CFAP61: variants seen among roughly 807,000 people sequenced by gnomAD.
The protein encoded by CFAP61 is cilia and flagella associated protein 61, also known as cilia- and flagella-associated protein 61.
Under a neutral mutation model 135.6 loss-of-function variants are expected in CFAP61, and 107 were observed. The observed-to-expected ratio is 0.79, with a 90% CI of 0.67 to 0.93. The LOEUF (loss-of-function observed/expected upper bound fraction) is 0.93. CFAP61 is among the 40% of genes least tolerant of loss of function. The pLI is 0.00. For synonymous variants in CFAP61, 575 were observed against 578.5 expected, an observed-to-expected ratio of 0.99 and a Z score of 0.09; for missense variants, 1,507 against 1,556.2, an observed-to-expected ratio of 0.97 and a Z score of 0.53.
At chr20:20,091,214 C>A (rs2047175494) in intron 7 of CFAP61, among the ~76,000 whole-genome samples, 1 of 152,134 alleles carries the variant, frequency 6.6e-6, no homozygotes, top group African/African-American at 2.4e-5. Flanking sequence ...CTTGCCTTGT[C>A]CCTAGAGTGA....
chr20:20,336,337 A>T (rs936399197), intron 25 of CFAP61, among the ~76,000 whole-genome samples: 1 of 152,192 alleles, frequency 6.6e-6, no homozygotes, highest in Non-Finnish European at 1.5e-5. Context: ...TTTAAAGACA[A>T]ATCAATGTAA....
intron 18 of CFAP61, among the ~76,000 whole-genome samples, chr20:20,242,816 TG>T (rs1004562513): frequency 7.9e-5 from 12 of 152,322 alleles, no homozygotes; most frequent in African/African-American, 2.9e-4. Context: ...TTTGAGTAAC[TG>T]TGTGTATCTG....
At chr20:20,147,987 G>A in intron 9 of CFAP61, among the ~76,000 whole-genome samples, 1 of 152,086 alleles carries the variant, frequency 6.6e-6, no homozygotes, top group Non-Finnish European at 1.5e-5. Context: ...AGTTTTCTCA[G>A]CACTATTTGT....
rs2046203295 is a variant in CFAP61 at position 20,078,355 on chromosome 20, T to C, written c.566+2740T>C. ...GTGGTAGGGAAAGGATCAGGTCAGGTGCATAGATACAGAGAGACATGTTAG... is the reference window on the plus strand; with the variant it reads ...GTGGTAGGGAAAGGATCAGGTCAGGCGCATAGATACAGAGAGACATGTTAG... On this transcript the variant is annotated intron_variant, in intron 6 of 26. Coordinates refer to ENST00000245957, the MANE Select transcript of CFAP61 (RefSeq NM_015585.4). 2.0e-5 allele frequency among the ~76,000 whole-genome samples: 3 copies of C among 152,100 alleles called. No homozygotes were observed. In the South Asian group the frequency reaches 6.2e-4, roughly 32 times the overall value.
intron 25 of CFAP61, among the ~76,000 whole-genome samples, chr20:20,330,275 T>A (rs2057931475): frequency 6.6e-6 from 1 of 152,228 alleles, no homozygotes; most frequent in Non-Finnish European, 1.5e-5. Flanking sequence ...TGTTGCATTA[T>A]CTTCAAAATT....
chr20:20,295,470 C>G (rs1217862109), intron 24 of CFAP61, among the ~76,000 whole-genome samples: 1 of 152,070 alleles, frequency 6.6e-6, no homozygotes, highest in East Asian at 1.9e-4. Flanking sequence ...AGGAGCCACC[C>G]CTCCTCAGAA....
intron 25 of CFAP61, among the ~76,000 whole-genome samples, chr20:20,327,324 C>T (rs1215976622): frequency 6.6e-6 from 1 of 152,120 alleles, no homozygotes; most frequent in African/African-American, 2.4e-5. Context: ...CCCTTGTCCT[C>T]TTCTTGCCTT....
At chr20:20,118,645 G>C (rs7263342) in intron 8 of CFAP61, among the ~76,000 whole-genome samples, 5,341 of 152,018 alleles carry the variant, frequency 0.035, 304 homozygotes, top group African/African-American at 0.12. Context: ...CCAGTGTTTT[G>C]AGGTATGTTC....
chr20:20,194,694 C>G (rs913832812), intron 15 of CFAP61, among the ~76,000 whole-genome samples: 1 of 152,162 alleles, frequency 6.6e-6, no homozygotes, highest in African/African-American at 2.4e-5. Flanking sequence ...ATGCCACCGC[C>G]CCTCTTTTTG....
chr20:20,147,264 G>C (rs1359090986), intron 9 of CFAP61, among the ~76,000 whole-genome samples: 1 of 152,178 alleles, frequency 6.6e-6, no homozygotes, highest in Non-Finnish European at 1.5e-5. Context: ...TAGACACCTA[G>C]TAGTGGGATT....
chr20:20,217,370 G>C (rs917503148), intron 17 of CFAP61, among the ~76,000 whole-genome samples: 55 of 152,226 alleles, frequency 3.6e-4, no homozygotes, highest in African/African-American at 1.3e-3. Context: ...ATTGTGCATG[G>C]AGGCACACAT....
intron 17 of CFAP61, among the ~76,000 whole-genome samples, chr20:20,226,500 G>T (rs1451610347): frequency 6.6e-6 from 1 of 152,184 alleles, no homozygotes; most frequent in Non-Finnish European, 1.5e-5. Flanking sequence ...CAGCCCTATT[G>T]TGGCAATATC....
chr20:20,260,608 A>G (rs1184951316), intron 20 of CFAP61, among the ~76,000 whole-genome samples: 3 of 152,270 alleles, frequency 2.0e-5, no homozygotes, highest in East Asian at 3.8e-4. Flanking sequence ...TATGTGGATT[A>G]TCAGAATGCA....
At chr20:20,323,751 C>T (rs779405931) in intron 25 of CFAP61, among the ~76,000 whole-genome samples, 2 of 151,902 alleles carry the variant, frequency 1.3e-5, no homozygotes, top group Non-Finnish European at 2.9e-5. Context: ...GGGGTTGTGG[C>T]GGGGGTATGA....
chr20:20,321,019 A>T (rs892137048), intron 25 of CFAP61, among the ~76,000 whole-genome samples: 1 of 151,884 alleles, frequency 6.6e-6, no homozygotes, highest in African/African-American at 2.4e-5. Flanking sequence ...TTAAAAACTA[A>T]CAAAAATAGG....
chr20:20,185,664 G>A (rs1266870196), intron 13 of CFAP61, among the ~76,000 whole-genome samples: 3 of 152,154 alleles, frequency 2.0e-5, no homozygotes, highest in African/African-American at 7.2e-5. Flanking sequence ...TTTAGCTTAA[G>A]TTTATCCATA....
intron 25 of CFAP61, among the ~76,000 whole-genome samples, chr20:20,300,882 A>G (rs2056036780): frequency 6.6e-6 from 1 of 152,130 alleles, no homozygotes; most frequent in African/African-American, 2.4e-5. Flanking sequence ...CTGGGATTAC[A>G]GGCATGAGCC....
intron 11 of CFAP61, 31 bp from the exon 12 acceptor site, chr20:20,166,366 G>A: frequency 6.2e-7 from 1 of 1,603,162 alleles, no homozygotes; most frequent in Non-Finnish European, 8.5e-7. Context: ...TGCTTGCAGG[G>A]CACTGACAGT....
intron 8 of CFAP61, among the ~76,000 whole-genome samples, chr20:20,117,617 T>C (rs116261053): frequency 6.6e-6 from 1 of 152,026 alleles, no homozygotes; most frequent in Non-Finnish European, 1.5e-5. Flanking sequence ...TTTCTGTTTC[T>C]ATGAAGAATG....
Sources: allele counts gnomAD v4.1 joint callset (sites outside exome capture counted in the v4.1 genomes callset), GRCh38; gene constraint gnomAD v4.1.1; transcripts MANE v1.5; gene names NCBI Gene and HGNC (gene_info 2026-07-23, HGNC 2026-07-21).